TIAM2: variants seen among roughly 807,000 people sequenced by gnomAD.
TIAM2 encodes TIAM Rac1 associated GEF 2.
Under a neutral mutation model 152.9 loss-of-function variants are expected in TIAM2, and 80 were observed. The observed-to-expected ratio is 0.52, with a 90% CI of 0.44 to 0.63. The LOEUF (loss-of-function observed/expected upper bound fraction) is 0.63. Ranked by LOEUF, TIAM2 falls within the 30% of genes least tolerant of loss-of-function variation. The pLI is 0.00. For missense variants in TIAM2, 1,965 were observed against 2,120.1 expected, an observed-to-expected ratio of 0.93 and a Z score of 1.44; for synonymous variants, 804 against 838.0, an observed-to-expected ratio of 0.96 and a Z score of 0.70.
chr6:155,020,882 A>G (rs1190280017), intron 1 of TIAM2, among the ~76,000 whole-genome samples: 1 of 152,118 alleles, frequency 6.6e-6, no homozygotes, highest in Non-Finnish European at 1.5e-5. Context: ...CCCGTTAAAC[A>G]ATACCCCCCA....
intron 1 of TIAM2, chr6:155,005,428 C>T (rs1474936630): frequency 6.5e-6 from 1 of 153,598 alleles, no homozygotes; most frequent in Non-Finnish European, 1.4e-5. Flanking sequence ...CAACCTCCAC[C>T]TCCTAGGTTA....
At chr6:155,041,272 C>T (rs1037453407) in intron 1 of TIAM2, among the ~76,000 whole-genome samples, 2 of 152,140 alleles carry the variant, frequency 1.3e-5, no homozygotes, top group Non-Finnish European at 2.9e-5. Context: ...GTTTTTTCCC[C>T]CCAGGGGCTG....
intron 10 of TIAM2, among the ~76,000 whole-genome samples, chr6:155,178,286 C>T (rs975700098): frequency 2.0e-5 from 3 of 150,488 alleles, no homozygotes; most frequent in African/African-American, 4.9e-5. Flanking sequence ...AGTGTGTGTG[C>T]GTACACATTT....
rs189758405 is a variant in TIAM2, at chr6:155,149,326, C to T, written c.2028+992C>T. The T allele has an allele frequency of 5.0e-3, 828 of 167,206 alleles. 2 individuals are homozygous for T. Among genetic ancestry groups the T allele is most frequent in the Middle Eastern group, 0.01 (3 of 296 alleles). 10.4% of individuals were successfully genotyped at this position (167,206 alleles called of 1,614,324 possible). A position where few individuals can be genotyped will look rare whatever the true frequency, so the allele number is the denominator to read the frequency against. ...GGGTGATTCACTATAGAATCCACTA[C>T]AGCCCCCTCCAAAACCAGTTGTCAA... On this transcript the variant is annotated intron_variant, in intron 7 of 26. Coordinates refer to ENST00000682666, the MANE Select transcript of TIAM2 (RefSeq NM_012454.4).
At position 155,256,983 on chromosome 6, in the gene TIAM2, C is replaced by T. The variant is rs753437901; in HGVS notation, c.4968C>T (p.His1656=). ...CTTTGCTCAAGGCGCAGATCCGTCA[C>T]CAGTCCCTTGACAGTCAGTCTGAAA... The part of the protein sequence containing the change: ...RGTLLKAQIR[H]QSLDSQSENA... The change falls in exon 27 of 27, where the codon CAC becomes CAT. Residue 1656 remains histidine (H), a synonymous_variant. Transcript: ENST00000682666. 1.9e-6 allele frequency: 3 copies of T among 1,614,164 alleles called. No individual in the cohort carries two copies. The highest frequency in any genetic ancestry group is 2.2e-5 in the East Asian group (1 of 44,884).
intron 2 of TIAM2, among the ~76,000 whole-genome samples, chr6:155,091,715 T>C (rs1562313129): frequency 6.6e-6 from 1 of 152,158 alleles, no homozygotes; most frequent in African/African-American, 2.4e-5. Context: ...ATCATCTACA[T>C]TGGAATATCC....
Position 155,183,379 on chromosome 6 carries a change from G to C in TIAM2, c.2943G>C (p.Leu981=). The C allele has an allele frequency of 6.2e-7, 1 of 1,613,842 alleles. No homozygotes were observed. The highest frequency in any genetic ancestry group is 8.5e-7 in the Non-Finnish European group (1 of 1,179,958). Residue 981 remains leucine, a synonymous_variant, in exon 14 of 27, where the codon CTG becomes CTC. Transcript: ENST00000682666. ...IARPPDTKAT[L]CTSWSDSDLF... ...GGCCTCCGGACACAAAAGCAACCCT[G>C]TGTACATCCTGGTCAGACAGTGACC...
intron 4 of TIAM2, among the ~76,000 whole-genome samples, chr6:155,135,885 G>A (rs1562328068): frequency 1.3e-5 from 2 of 152,072 alleles, no homozygotes; most frequent in Admixed American, 1.3e-4. Context: ...AATTCTCTAA[G>A]TAAGAAATAT....
chr6:155,219,778 A>G (rs769036710), intron 15 of TIAM2, among the ~76,000 whole-genome samples: 5 of 152,204 alleles, frequency 3.3e-5, no homozygotes, highest in Non-Finnish European at 7.3e-5. Flanking sequence ...ACTGTGGCAT[A>G]AAGCACACAG....
chr6:155,253,863 C>T, intron 24 of TIAM2, 110 bp from the exon 25 acceptor site: 1 of 750,468 alleles, frequency 1.3e-6, no homozygotes, highest in Non-Finnish European at 2.2e-6. Flanking sequence ...TGAGCCAGGA[C>T]TGGGAATATT....
intron 5 of TIAM2, among the ~76,000 whole-genome samples, chr6:155,142,177 C>T (rs1050359585): frequency 5.9e-5 from 9 of 152,222 alleles, no homozygotes; most frequent in Non-Finnish European, 1.2e-4. Flanking sequence ...CCACTGGCCC[C>T]AGTGCACCCT....
rs1781819812 is a variant in TIAM2 at position 155,215,073 on chromosome 6, T to C, written c.3168+3766T>C. Among the ~76,000 whole-genome samples, 9 of 152,334 alleles carry C rather than the reference T, an allele frequency of 5.9e-5. No homozygotes were observed. The South Asian group carries it at 1.9e-3, about 32-fold the overall frequency. On this transcript the variant is annotated intron_variant, in intron 15 of 26. Transcript: ENST00000682666. ...CTTGGGGGACTCTCACTTAACACCG[T>C]GAGGGATAACGACTTCTCGTCTCTT... is the stretch of plus-strand genomic sequence containing the variant.
chr6:155,109,726 A>G (rs1056175056), intron 2 of TIAM2, among the ~76,000 whole-genome samples: 4 of 152,124 alleles, frequency 2.6e-5, no homozygotes, highest in African/African-American at 9.7e-5. Flanking sequence ...TTCAAAGGAG[A>G]CAATTGAAGA....
In TIAM2 at chr6:155,164,133, G is replaced by GTTTTTTTTTT. The variant is rs375238178; in HGVS notation, c.2029-279_2029-270dup. Among the ~76,000 whole-genome samples the GTTTTTTTTTT allele has an allele frequency of 7.0e-4, 83 of 118,018 alleles. 10 individuals are homozygous for GTTTTTTTTTT. The highest frequency in any genetic ancestry group is 1.6e-3 in the South Asian group (5 of 3,158). The allele number at this position is 118,018 out of a possible 152,430, so 77.4% of individuals were successfully genotyped here. On this transcript the variant is annotated intron_variant, in intron 7 of 26. Coordinates refer to ENST00000682666, the MANE Select transcript of TIAM2 (RefSeq NM_012454.4). ...TGGCACCACACCAGCTAATTTTTGT[G>GTTTTTTTTTT]TTTTTTTTTTTTCTTTTTTTTAGTA...
chr6:155,079,289 T>G (rs1778014725), intron 1 of TIAM2, among the ~76,000 whole-genome samples: 3 of 152,220 alleles, frequency 2.0e-5, no homozygotes, highest in African/African-American at 7.2e-5. Flanking sequence ...CTCAAACTCC[T>G]GACCTCAGGT....
At chr6:155,211,140 A>G in intron 14 of TIAM2, 64 bp from the exon 15 acceptor site, 1 of 1,439,994 alleles carries the variant, frequency 6.9e-7, no homozygotes, top group Non-Finnish European at 9.6e-7. Flanking sequence ...GAGCCTTTAA[A>G]CCGGGTGTTA....
chr6:155,045,742 A>AC (rs1170658976), intron 1 of TIAM2, among the ~76,000 whole-genome samples: 2 of 146,850 alleles, frequency 1.4e-5, no homozygotes, highest in African/African-American at 5.1e-5. Context: ...CAGTGCTTTT[A>AC]CCCCTGTGGG....
At chr6:155,028,994 GTATATACTATATATAC>G in intron 1 of TIAM2, among the ~76,000 whole-genome samples, 11 of 110,048 alleles carry the variant, frequency 1.0e-4, no homozygotes, top group Non-Finnish European at 1.2e-4. Flanking sequence ...TATATACACT[GTATATACTATATATAC>G]TATGTTATAT....
chr6:155,109,507 A>G (rs1446452463), intron 2 of TIAM2, among the ~76,000 whole-genome samples: 1 of 152,238 alleles, frequency 6.6e-6, no homozygotes, highest in Non-Finnish European at 1.5e-5. Context: ...ATGGTAGTAG[A>G]TAAACCTGAA....
Sources: gnomAD v4.1 joint callset for allele counts (sites outside exome capture counted in the v4.1 genomes callset) on GRCh38, gnomAD v4.1.1 for gene constraint, MANE v1.5 for transcripts, NCBI Gene and HGNC (gene_info 2026-07-23, HGNC 2026-07-21) for gene names.